Variants in KLHL5 observed in about 807,000 individuals in gnomAD.
KLHL5 encodes the protein kelch-like protein 5.
KLHL5 carries 48 observed loss-of-function variants against 77.7 expected under a neutral mutation model. The observed-to-expected ratio is 0.62, with a 90% CI of 0.49 to 0.79. The LOEUF (loss-of-function observed/expected upper bound fraction) is 0.79, where lower values mean the gene tolerates loss of function less well. Among genes scored for constraint, KLHL5 ranks in the 30% least tolerant of loss-of-function variants. The pLI is 0.00. For synonymous variants in KLHL5, 260 were observed against 297.0 expected (o/e 0.88, Z 1.28); for missense variants, 723 against 859.7 (o/e 0.84, Z 1.99).
chr4:39,093,325 T>C (rs992424020), intron 5 of KLHL5: 3 of 448,854 alleles, frequency 6.7e-6, no homozygotes, highest in African/African-American at 6.0e-5. Context: ...GACAGATTAG[T>C]GCTTGGGAGA....
At chr4:39,076,231 A>C (rs1440617138) in intron 2 of KLHL5, 84 bp downstream of exon 2, 1 of 1,205,908 alleles carries the variant, frequency 8.3e-7, no homozygotes, top group Admixed American at 2.7e-5. Context: ...ACTTCAATTG[A>C]CTATTATGTT....
downstream of KLHL5, among the ~76,000 whole-genome samples, chr4:39,127,619 A>T (rs760533181): frequency 1.3e-4 from 19 of 151,912 alleles, no homozygotes; most frequent in Non-Finnish European, 2.2e-4. Context: ...ATGTTTGGCT[A>T]ATTTTTTTTT....
At chr4:39,115,951 C>T (rs1300678989) in intron 10 of KLHL5, 5 of 987,400 alleles carry the variant, frequency 5.1e-6, no homozygotes, top group Non-Finnish European at 6.0e-6. Context: ...TCACCCAGTT[C>T]AGTACTTGGT....
At chr4:39,077,694 T>TA (rs60744492) in intron 2 of KLHL5, among the ~76,000 whole-genome samples, 3,227 of 128,574 alleles carry the variant, frequency 0.025, 106 homozygotes, top group African/African-American at 0.086. Context: ...GAACTAAAGG[T>TA]AAAAAAAAAA....
At chr4:39,077,694 T>TAAAAAAAAAAA (rs60744492) in intron 2 of KLHL5, among the ~76,000 whole-genome samples, 7 of 128,600 alleles carry the variant, frequency 5.4e-5, no homozygotes, top group Non-Finnish European at 6.6e-5. Flanking sequence ...GAACTAAAGG[T>TAAAAAAAAAAA]AAAAAAAAAA....
In KLHL5 at chr4:39,069,430, TTATATATATATA is replaced by T. The variant is rs60740721; in HGVS notation, c.383+6428_383+6439del. On this transcript the variant is annotated intron_variant, in intron 1 of 10. Coordinates refer to ENST00000504108, the MANE Select transcript of KLHL5 (RefSeq NM_015990.5). Reference sequence around the variant, plus strand: ...AAGTGAATTTTTCCCTATTAACATTTTATATATATATATATATATATATATATATATATATAT... The same window carrying T: ...AAGTGAATTTTTCCCTATTAACATTTTATATATATATATATATATATATAT... Among the ~76,000 whole-genome samples the T allele has an allele frequency of 5.9e-3, 178 of 30,412 alleles. 1 individual carries two copies. The highest frequency in any genetic ancestry group is 0.016 in the African/African-American group (135 of 8,268). The allele number at this position is 30,412 out of a possible 152,430, so 20.0% of individuals were successfully genotyped here.
chr4:39,135,774 C>T, the KLHL5 span, among the ~76,000 whole-genome samples: 1 of 151,980 alleles, frequency 6.6e-6, no homozygotes, highest in Non-Finnish European at 1.5e-5. Context: ...CGTGTTGGTG[C>T]GCTCCTGTAA....
At chr4:39,064,782 C>T (rs1226731520) in intron 1 of KLHL5, among the ~76,000 whole-genome samples, 1 of 151,950 alleles carries the variant, frequency 6.6e-6, no homozygotes, top group African/African-American at 2.4e-5. Context: ...CCTTTTTTGA[C>T]TGAGAGATTG....
chr4:39,134,283 G>A, the KLHL5 span, among the ~76,000 whole-genome samples: 1 of 152,154 alleles, frequency 6.6e-6, no homozygotes, highest in Admixed American at 6.5e-5. Context: ...CTTTAGACTT[G>A]TTCATTTGAT....
chr4:39,062,779 G>C lies in KLHL5; in HGVS notation c.127G>C (p.Gly43Arg), dbSNP rs1172865153. The C allele has an allele frequency of 6.2e-7, 1 of 1,614,144 alleles. No individual in the cohort carries two copies. The highest frequency in any genetic ancestry group is 2.2e-5 in the East Asian group (1 of 44,872). Residue 43 changes from glycine (G) to arginine (R), a missense_variant, in exon 1 of 11, where the codon GGA (glycine) becomes CGA (arginine). Physicochemically the swap from Gly to Arg is moderately radical, Grantham distance 125 (BLOSUM62 -2). Around this residue, in one of 3 missense-constraint regions of KLHL5, gnomAD observed 221 missense variants for 222.1 expected, o/e 1.00. Coordinates refer to ENST00000504108, the MANE Select transcript of KLHL5 (RefSeq NM_015990.5). Reference sequence around the variant, plus strand: ...CCAGCAGGGAGAATTTTGGAACCGAGGACAGACTGGAGCAAACGGTGGGAG... The same window carrying C: ...CCAGCAGGGAGAATTTTGGAACCGACGACAGACTGGAGCAAACGGTGGGAG... ...DSQQGEFWNR[G>R]QTGANGGRKF... is the part of the protein sequence containing the mutation.
At chr4:39,115,046 G>A (rs916087114) in intron 9 of KLHL5, 113 bp from the exon 10 acceptor site, 1 of 908,330 alleles carries the variant, frequency 1.1e-6, no homozygotes, top group East Asian at 2.6e-5. Context: ...ATGTTCAAAT[G>A]TATTTGATTA....
At chr4:39,095,200 T>C (rs963479313) in intron 5 of KLHL5, among the ~76,000 whole-genome samples, 5 of 152,156 alleles carry the variant, frequency 3.3e-5, no homozygotes, top group Non-Finnish European at 7.4e-5. Context: ...GGTCAAAATA[T>C]TTTAAAATGC....
chr4:39,137,665 C>A, the KLHL5 span, among the ~76,000 whole-genome samples: 1 of 152,024 alleles, frequency 6.6e-6, no homozygotes, highest in African/African-American at 2.4e-5. Context: ...GGAGAAATGG[C>A]TGATTCCAGA....
intron 1 of KLHL5, among the ~76,000 whole-genome samples, chr4:39,067,997 C>A (rs994941893): frequency 9.9e-5 from 15 of 151,884 alleles, no homozygotes; most frequent in African/African-American, 3.4e-4. Context: ...AACTCCTTAT[C>A]CACAGTCTTC....
chr4:39,107,810 T>G, intron 8 of KLHL5, 79 bp downstream of exon 8: 1 of 1,004,412 alleles, frequency 1.0e-6, no homozygotes, highest in Admixed American at 2.6e-5. Context: ...TTTAAAGATA[T>G]ACATAAATAC....
chr4:39,115,452 G>A (rs902409082), intron 10 of KLHL5, 122 bp downstream of exon 10: 43 of 1,535,608 alleles, frequency 2.8e-5, no homozygotes, highest in Admixed American at 6.4e-5. Flanking sequence ...TGACAATCAC[G>A]TTTTGATTAG....
upstream of KLHL5, chr4:39,062,222 A>G (rs934361249): frequency 1.7e-6 from 2 of 1,192,018 alleles, no homozygotes; most frequent in South Asian, 4.9e-5. Context: ...TAAGCAGCAG[A>G]GACTGAGATA....
chr4:39,069,619 AATC>A (rs1189322955), intron 1 of KLHL5, among the ~76,000 whole-genome samples: 1 of 151,248 alleles, frequency 6.6e-6, no homozygotes, highest in Non-Finnish European at 1.5e-5. Context: ...AAAAAGTAAA[AATC>A]ATCAACTACC....
At chr4:39,067,304 A>G (rs1172760376) in intron 1 of KLHL5, among the ~76,000 whole-genome samples, 3 of 152,166 alleles carry the variant, frequency 2.0e-5, no homozygotes, top group Admixed American at 6.6e-5. Flanking sequence ...TTGTTTTCCC[A>G]TAATTAGACT....
Sources: allele counts gnomAD v4.1 joint callset (sites outside exome capture counted in the v4.1 genomes callset), GRCh38; gene constraint gnomAD v4.1.1; regional missense constraint gnomAD v4.1.1; transcripts MANE v1.5; gene names NCBI Gene and HGNC (gene_info 2026-07-23, HGNC 2026-07-21).